Variants in MDN1 observed in about 807,000 individuals in gnomAD.
The protein encoded by MDN1 is midasin AAA ATPase 1, also known as midasin.
A neutral mutation model predicts 669.2 loss-of-function variants in MDN1; 266 were observed. That is an observed-to-expected ratio of 0.40 (90% CI 0.36 to 0.44). The LOEUF (loss-of-function observed/expected upper bound fraction) is 0.44. MDN1 is among the 20% of genes least tolerant of loss of function. The pLI, the probability that MDN1 is intolerant of heterozygous loss-of-function variation, is 1.00. For missense variants in MDN1, 5,940 were observed against 6,754.0 expected, an observed-to-expected ratio of 0.88 and a Z score of 4.22; for synonymous variants, 2,385 against 2,457.1, an observed-to-expected ratio of 0.97 and a Z score of 0.87.
At chr6:89,744,113 A>AC (rs1207348105) in intron 29 of MDN1, among the ~76,000 whole-genome samples, 19 of 142,278 alleles carry the variant, frequency 1.3e-4, no homozygotes, top group Middle Eastern at 3.3e-3. Flanking sequence ...TAAAAAAAAA[A>AC]AAAAAAAAAA....
chr6:89,674,437 G>A lies in MDN1; in HGVS notation c.12914C>T (p.Ser4305Phe). ...ACTGGGGCAGCACTGGAGGAGCCAG[G>A]AGAGCTGCTCAAGCAGGATCTGGCA... is the stretch of plus-strand genomic sequence containing the variant. ...MQCQILLEQL[S>F]WLLQCCPSVG... Residue 4305 changes from serine to phenylalanine, a missense_variant, in exon 79 of 102, where the codon TCC becomes TTC. Ser to Phe is a radical substitution (Grantham distance 155). Around this residue, in one of 5 missense-constraint regions of MDN1, gnomAD observed 2,280 missense variants for 2,576.3 expected, o/e 0.88. Transcript: ENST00000369393. The A allele has an allele frequency of 5.0e-6, 8 of 1,614,098 alleles. No individual in the cohort carries two copies. Among genetic ancestry groups the A allele is most frequent in the Non-Finnish European group, 6.8e-6 (8 of 1,180,008 alleles).
rs765963440 is a variant in MDN1, at chr6:89,774,670, C to G, written c.1885G>C (p.Gly629Arg). ...IVINELDLQV[G>R]RVRLLRKQSE... ...TGTTTCCGTAGAAGCCGCACTCGAC[C>G]CACTTGCAAATCTAGCTCATTGATC... is the stretch of plus-strand genomic sequence containing the variant. The change falls in exon 13 of 102, where the codon GGT (glycine) becomes CGT (arginine). Residue 629 changes from glycine to arginine, a missense_variant. Gly to Arg is a moderately radical substitution (Grantham distance 125). Around this residue, in one of 5 missense-constraint regions of MDN1, gnomAD observed 1,203 missense variants for 1,268.9 expected, o/e 0.95. Coordinates refer to ENST00000369393, the MANE Select transcript of MDN1 (RefSeq NM_014611.3). 1 of 1,613,642 alleles carries G rather than the reference C, an allele frequency of 6.2e-7. No homozygotes were observed. The highest frequency in any genetic ancestry group is 8.5e-7 in the Non-Finnish European group (1 of 1,179,776).
intron 31 of MDN1, 60 bp downstream of exon 31, chr6:89,743,090 A>G: frequency 1.1e-6 from 1 of 935,336 alleles, no homozygotes; most frequent in Non-Finnish European, 1.5e-6. Flanking sequence ...TCTCAGGGAG[A>G]AAAAAAAAAA....
At chr6:89,804,384 CAAAT>C (rs929373327) in intron 1 of MDN1, among the ~76,000 whole-genome samples, 1 of 152,048 alleles carries the variant, frequency 6.6e-6, no homozygotes, top group African/African-American at 2.4e-5. Context: ...AAGGCTGTTA[CAAAT>C]AAGTTTCAGT....
chr6:89,703,118 G>C (rs1466578146), intron 53 of MDN1, among the ~76,000 whole-genome samples: 3 of 151,958 alleles, frequency 2.0e-5, no homozygotes, highest in Non-Finnish European at 2.9e-5. Context: ...TGTATTTTTA[G>C]TAGAGATGGG....
chr6:89,762,556 T>C lies in MDN1; in HGVS notation c.2145-26A>G, dbSNP rs924957242. 2.0e-6 allele frequency: 3 copies of C among 1,538,146 alleles called. No homozygotes were observed. In the Admixed American group the frequency reaches 5.4e-5, roughly 28 times the overall value. On this transcript the variant is annotated intron_variant, in intron 15 of 101. Coordinates refer to ENST00000369393, the MANE Select transcript of MDN1 (RefSeq NM_014611.3). ...CTGAAACAGACACAGGTAAATGTGA[T>C]TCACAAACTTCTGAAGTTAACAGAA...
At chr6:89,720,815 T>C (rs1429995486) in intron 40 of MDN1, among the ~76,000 whole-genome samples, 1 of 152,204 alleles carries the variant, frequency 6.6e-6, no homozygotes, top group Non-Finnish European at 1.5e-5. Context: ...AGTGTGTAAT[T>C]AGATTCTGAA....
At chr6:89,650,672 A>C (rs1401454945) in intron 96 of MDN1, 60 bp downstream of exon 96, 3 of 1,331,134 alleles carry the variant, frequency 2.3e-6, no homozygotes, top group Non-Finnish European at 3.2e-6. Context: ...CGTTCAACAG[A>C]ATCAATGAAG....
chr6:89,747,408 C>G lies in MDN1; in HGVS notation c.3825G>C (p.Leu1275=), dbSNP rs201654519. 4.3e-6 allele frequency: 7 copies of G among 1,614,108 alleles called. No homozygotes were observed. The East Asian group carries it at 1.6e-4, about 36-fold the overall frequency. ...ATCTGTATCTTTCAGCCCATCGGAA[C>G]AGATCACGAAGGGTGATGAAGCCCT... ...GKQGFITLRD[L]FRWAERYRLA... is the part of the protein sequence containing the mutation. The change falls in exon 27 of 102, where the codon CTG becomes CTC. Residue 1275 remains leucine, a synonymous_variant. Coordinates refer to ENST00000369393, the MANE Select transcript of MDN1 (RefSeq NM_014611.3).
At chr6:89,811,056 G>A (rs562649211) in intron 1 of MDN1, among the ~76,000 whole-genome samples, 4 of 152,116 alleles carry the variant, frequency 2.6e-5, no homozygotes, top group Admixed American at 6.5e-5. Context: ...TTCCAAATAG[G>A]GTCACATTCA....
intron 84 of MDN1, 46 bp from the exon 85 acceptor site, chr6:89,664,674 G>A: frequency 1.3e-6 from 2 of 1,496,586 alleles, no homozygotes; most frequent in East Asian, 2.3e-5. Flanking sequence ...CTTTACCAAT[G>A]TTTGCTTCAG....
At chr6:89,751,974 T>C (rs1173020680) in intron 22 of MDN1, among the ~76,000 whole-genome samples, 1 of 152,186 alleles carries the variant, frequency 6.6e-6, no homozygotes, top group Non-Finnish European at 1.5e-5. Flanking sequence ...TATTATACTC[T>C]GGATTGCCTA....
In MDN1 at chr6:89,707,348, T is replaced by G. The variant is rs1351571805; in HGVS notation, c.8014+13A>C. 1 of 1,552,720 alleles carries G rather than the reference T, an allele frequency of 6.4e-7. No individual in the cohort carries two copies. Among genetic ancestry groups the G allele is most frequent in the Non-Finnish European group, 8.9e-7 (1 of 1,124,506 alleles). On this transcript the variant is annotated intron_variant, in intron 52 of 101. Coordinates refer to ENST00000369393, the MANE Select transcript of MDN1 (RefSeq NM_014611.3). ...ATGCTTAATTAGAGAACACAAAAGG[T>G]AAATGTTCTTACCTTGATGGAATTC...
chr6:89,782,088 T>A (rs1818702430), intron 9 of MDN1, among the ~76,000 whole-genome samples: 1 of 152,178 alleles, frequency 6.6e-6, no homozygotes, highest in East Asian at 1.9e-4. Flanking sequence ...TTTCACTCAA[T>A]CATGATGATT....
chr6:89,726,482 G>GAAAAAAAAAAAAAAGAAAAAAAA (rs1815247251), intron 37 of MDN1, among the ~76,000 whole-genome samples: 16 of 90,460 alleles, frequency 1.8e-4, no homozygotes, highest in South Asian at 4.0e-4. Context: ...AAGAAAAATA[G>GAAAAAAAAAAAAAAGAAAAAAAA]AAAAAAAAAA....
At chr6:89,813,681 TG>T (rs1245717303) in intron 1 of MDN1, among the ~76,000 whole-genome samples, 4 of 151,584 alleles carry the variant, frequency 2.6e-5, no homozygotes, top group Non-Finnish European at 5.9e-5. Context: ...AAGTGAGCTA[TG>T]ATCACTGTAC....
intron 85 of MDN1, among the ~76,000 whole-genome samples, chr6:89,663,858 C>T (rs760662386): frequency 3.3e-5 from 5 of 150,592 alleles, no homozygotes; most frequent in Non-Finnish European, 7.4e-5. Context: ...AGGAGAATGG[C>T]GTGAACCCGA....
intron 73 of MDN1, among the ~76,000 whole-genome samples, chr6:89,682,699 T>TAAGAAAAAAAA (rs1811706197): frequency 1.0e-5 from 1 of 96,858 alleles, no homozygotes; most frequent in Non-Finnish European, 2.1e-5. Flanking sequence ...GACTCTGTCT[T>TAAGAAAAAAAA]AAAAAAAAAA....
Position 89,662,192 on chromosome 6 carries a change from A to C in MDN1, c.14460T>G (p.Asn4820Lys), listed in dbSNP as rs969798797. The C allele has an allele frequency of 1.2e-6, 2 of 1,613,774 alleles. No homozygotes were observed. Among genetic ancestry groups the C allele is most frequent in the African/African-American group, 2.7e-5 (2 of 74,854 alleles). Residue 4820 changes from asparagine (N) to lysine (K), a missense_variant, in exon 87 of 102, where the codon AAT becomes AAG. Transcript: ENST00000369393. Reference sequence around the variant, plus strand: ...CTTGCTGGCTTTTATCTTTGTTTGAATTGCCACTATCCAAGTTGTCATCTT... The same window carrying C: ...CTTGCTGGCTTTTATCTTTGTTTGACTTGCCACTATCCAAGTTGTCATCTT... ...VAKDDNLDSG[N>K]SNKDKSQQDK...
Sources: allele counts gnomAD v4.1 joint callset (sites outside exome capture counted in the v4.1 genomes callset), GRCh38; gene constraint gnomAD v4.1.1; regional missense constraint gnomAD v4.1.1; transcripts MANE v1.5; gene names NCBI Gene and HGNC (gene_info 2026-07-23, HGNC 2026-07-21).